Variants in CNTN4 observed in about 807,000 individuals in gnomAD.
CNTN4 encodes contactin 4.
In CNTN4, 77 loss-of-function variants were observed where a neutral mutation model predicts 122.5. That is an observed-to-expected ratio of 0.63 (90% CI 0.52 to 0.76). The LOEUF (loss-of-function observed/expected upper bound fraction) is 0.76. Among genes scored for constraint, CNTN4 ranks in the 30% least tolerant of loss-of-function variants. The pLI is 0.00. For missense variants in CNTN4, 1,256 were observed against 1,259.1 expected (o/e 1.00, Z 0.04); for synonymous variants, 512 against 447.0 (o/e 1.15, Z -1.83).
At chr3:2,397,121 A>G (rs1198985478) in intron 3 of CNTN4, among the ~76,000 whole-genome samples, 4 of 152,206 alleles carry the variant, frequency 2.6e-5, no homozygotes, top group Non-Finnish European at 5.9e-5. Flanking sequence ...GCCTGAAAGT[A>G]AAGCTTTGGA....
intron 2 of CNTN4, among the ~76,000 whole-genome samples, chr3:2,151,698 G>C (rs897798926): frequency 6.6e-6 from 1 of 152,104 alleles, no homozygotes; most frequent in African/African-American, 2.4e-5. Flanking sequence ...ATGGATTAAT[G>C]ACTAATGGAC....
intron 10 of CNTN4, among the ~76,000 whole-genome samples, chr3:2,900,081 A>G (rs2094156815): frequency 6.6e-6 from 1 of 152,324 alleles, no homozygotes; most frequent in African/African-American, 2.4e-5. Flanking sequence ...ACAGTCATTC[A>G]TGGTCCAAGG....
intron 2 of CNTN4, among the ~76,000 whole-genome samples, chr3:2,308,750 G>GT (rs1440951452): frequency 1.3e-5 from 2 of 151,842 alleles, no homozygotes; most frequent in African/African-American, 4.8e-5. Flanking sequence ...GTCAGAGAAC[G>GT]TTTTATGATT....
At chr3:2,852,775 ACACC>A (rs2093568242) in intron 7 of CNTN4, among the ~76,000 whole-genome samples, 1 of 152,216 alleles carries the variant, frequency 6.6e-6, no homozygotes, top group Non-Finnish European at 1.5e-5. Flanking sequence ...AATACTTCAC[ACACC>A]CAAGGTAAAG....
intron 4 of CNTN4, among the ~76,000 whole-genome samples, chr3:2,640,751 C>T (rs908164751): frequency 2.0e-5 from 3 of 152,158 alleles, no homozygotes; most frequent in Non-Finnish European, 2.9e-5. Context: ...CTATTCAAGC[C>T]TTGATGACAG....
At chr3:2,809,257 T>C (rs1212116309) in intron 6 of CNTN4, among the ~76,000 whole-genome samples, 1 of 152,224 alleles carries the variant, frequency 6.6e-6, no homozygotes, top group Non-Finnish European at 1.5e-5. Flanking sequence ...CCTCAGGTAA[T>C]GCTGCTCTGA....
chr3:2,627,153 C>G (rs1035933643), intron 4 of CNTN4, among the ~76,000 whole-genome samples: 4 of 152,142 alleles, frequency 2.6e-5, no homozygotes, highest in Non-Finnish European at 5.9e-5. Flanking sequence ...AAACCAAGCC[C>G]CAGGTACCTG....
At chr3:2,877,708 G>A (rs2093860851) in intron 8 of CNTN4, among the ~76,000 whole-genome samples, 1 of 152,074 alleles carries the variant, frequency 6.6e-6, no homozygotes, top group Non-Finnish European at 1.5e-5. Context: ...TTCCATCAAT[G>A]TTCGCACTCT....
intron 4 of CNTN4, among the ~76,000 whole-genome samples, chr3:2,644,598 A>G (rs570613304): frequency 6.6e-6 from 1 of 151,428 alleles, no homozygotes; most frequent in South Asian, 2.1e-4. Context: ...TCTAAACCTG[A>G]GAGCACAAGA....
chr3:2,947,955 A>G (rs2094696834), intron 13 of CNTN4, among the ~76,000 whole-genome samples: 1 of 152,152 alleles, frequency 6.6e-6, no homozygotes, highest in African/African-American at 2.4e-5. Context: ...TTAAATGAAT[A>G]TGTGCTGGGT....
At chr3:2,874,435 G>C (rs1180132247) in intron 8 of CNTN4, among the ~76,000 whole-genome samples, 2 of 152,162 alleles carry the variant, frequency 1.3e-5, no homozygotes. Flanking sequence ...GAGGTGTTTA[G>C]CCTAGAATTG....
At chr3:2,197,236 C>T (rs2037885929) in intron 2 of CNTN4, among the ~76,000 whole-genome samples, 2 of 152,088 alleles carry the variant, frequency 1.3e-5, no homozygotes, top group Admixed American at 1.3e-4. Flanking sequence ...TTCTAGCTTT[C>T]TGCGGATGCT....
chr3:2,889,473 AACTG>A (rs1275832337), intron 10 of CNTN4, among the ~76,000 whole-genome samples: 2 of 152,198 alleles, frequency 1.3e-5, no homozygotes, highest in Admixed American at 6.5e-5. Flanking sequence ...CACCACAGTT[AACTG>A]ACTGCAAAAT....
chr3:2,205,340 A>G (rs2038290684), intron 2 of CNTN4, among the ~76,000 whole-genome samples: 1 of 149,266 alleles, frequency 6.7e-6, no homozygotes, highest in African/African-American at 2.4e-5. Context: ...TTGTAATATA[A>G]TTATAAAATA....
chr3:2,676,344 C>T (rs1355260039), intron 4 of CNTN4, among the ~76,000 whole-genome samples: 1 of 152,060 alleles, frequency 6.6e-6, no homozygotes, highest in Admixed American at 6.6e-5. Flanking sequence ...GCCTCAGCCT[C>T]CCGAGTAGCT....
chr3:2,381,267 A>C (rs2046011535), intron 3 of CNTN4, among the ~76,000 whole-genome samples: 2 of 152,054 alleles, frequency 1.3e-5, no homozygotes, highest in African/African-American at 2.4e-5. Flanking sequence ...CGGCCTCCCA[A>C]AGTGCTGGGA....
chr3:2,710,891 CTTT>C (rs796655101), intron 4 of CNTN4, among the ~76,000 whole-genome samples: 61 of 152,238 alleles, frequency 4.0e-4, no homozygotes, highest in African/African-American at 1.4e-3. Flanking sequence ...CAGTGTCTTC[CTTT>C]TTTAACGTAC....
chr3:2,809,625 A>T (rs963699024), intron 6 of CNTN4, among the ~76,000 whole-genome samples: 10 of 152,190 alleles, frequency 6.6e-5, no homozygotes, highest in Non-Finnish European at 1.2e-4. Flanking sequence ...CAGCTGCCTA[A>T]CCATTAACAC....
At chr3:2,848,524 A>T (rs146974477) in intron 7 of CNTN4, among the ~76,000 whole-genome samples, 90 of 152,320 alleles carry the variant, frequency 5.9e-4, no homozygotes, top group African/African-American at 2.1e-3. Flanking sequence ...TGTTCTGTTC[A>T]TTGGGATTCT....
Sources: allele counts gnomAD v4.1 joint callset (sites outside exome capture counted in the v4.1 genomes callset), GRCh38; gene constraint gnomAD v4.1.1; transcripts MANE v1.5; gene names NCBI Gene and HGNC (gene_info 2026-07-23, HGNC 2026-07-21).